The following PTPRN2 variants were observed in gnomAD, a reference collection of about 807,000 sequenced individuals.
PTPRN2 encodes protein tyrosine phosphatase receptor type N2, also known as receptor-type tyrosine-protein phosphatase N2.
Under a neutral mutation model 118.8 loss-of-function variants are expected in PTPRN2, and 74 were observed. The ratio of observed to expected loss-of-function variants is 0.62; its 90% CI spans 0.52 to 0.76. The LOEUF (loss-of-function observed/expected upper bound fraction) is 0.76, where lower values mean the gene tolerates loss of function less well. Ranked by LOEUF, PTPRN2 falls within the 30% of genes least tolerant of loss-of-function variation. The pLI is 0.00. For missense variants in PTPRN2, 1,481 were observed against 1,394.4 expected (o/e 1.06, Z -0.99); for synonymous variants, 641 against 608.0 (o/e 1.05, Z -0.80).
chr7:158,472,161 A>G (rs1819908424), intron 2 of PTPRN2, among the ~76,000 whole-genome samples: 1 of 152,226 alleles, frequency 6.6e-6, no homozygotes, highest in Non-Finnish European at 1.5e-5. Flanking sequence ...TTCACAAGAG[A>G]CAAATCAAAG....
intron 12 of PTPRN2, among the ~76,000 whole-genome samples, chr7:157,819,092 G>A (rs1450963534): frequency 6.6e-6 from 1 of 152,170 alleles, no homozygotes; most frequent in East Asian, 1.9e-4. Context: ...GACACCACTG[G>A]CCCCAGCCCC....
chr7:157,825,115 A>C lies in PTPRN2; in HGVS notation c.1788+73558T>G, dbSNP rs1292962486. Among the ~76,000 whole-genome samples the C allele has an allele frequency of 2.0e-5, 3 of 152,186 alleles. No homozygotes were observed. The East Asian group carries it at 5.8e-4, about 29-fold the overall frequency. ...CTTGGAGCCTCTGGTCTGTAGCTGG[A>C]CACGTGGATGAAGTTTCTCTTTCCC... On this transcript the variant is annotated intron_variant, in intron 12 of 22. Transcript: ENST00000389418.
At position 158,091,110 on chromosome 7, in the gene PTPRN2, C is replaced by T. The variant is rs112364739; in HGVS notation, c.1644-9733G>A. Among the ~76,000 whole-genome samples the T allele has an allele frequency of 9.9e-3, 1,507 of 152,240 alleles. 16 individuals are homozygous for T. Among genetic ancestry groups the T allele is most frequent in the Non-Finnish European group, 0.016 (1,092 of 67,998 alleles). ...GGGGGTTGTTATTTCTGTATAGTAACGACTATACAGTCGATACATAACACA... is the reference window on the plus strand; with the variant it reads ...GGGGGTTGTTATTTCTGTATAGTAATGACTATACAGTCGATACATAACACA... On this transcript the variant is annotated intron_variant, in intron 10 of 22. Transcript: ENST00000389418.
chr7:158,150,083 C>T lies in PTPRN2; in HGVS notation c.911-11568G>A, dbSNP rs1012822040. Among the ~76,000 whole-genome samples, 29 of 152,242 alleles carry T rather than the reference C, an allele frequency of 1.9e-4. 1 individual carries two copies. Among genetic ancestry groups the T allele is most frequent in the Admixed American group, 4.6e-4 (7 of 15,286 alleles). ...AAACAGAGTCATCTGAGGGAAGAGGCCGTGGGGCAGAAGGCTGCCGTGGGT... is the reference window on the plus strand; with the variant it reads ...AAACAGAGTCATCTGAGGGAAGAGGTCGTGGGGCAGAAGGCTGCCGTGGGT... On this transcript the variant is annotated intron_variant, in intron 6 of 22. Transcript: ENST00000389418.
chr7:158,194,926 T>C (rs1033524401), intron 4 of PTPRN2, among the ~76,000 whole-genome samples: 4 of 152,350 alleles, frequency 2.6e-5, no homozygotes, highest in Admixed American at 2.6e-4. Context: ...TTGACATGAA[T>C]TCTGTTGACA....
At chr7:158,328,183 T>A (rs978914863) in intron 2 of PTPRN2, among the ~76,000 whole-genome samples, 8 of 152,154 alleles carry the variant, frequency 5.3e-5, no homozygotes, top group African/African-American at 1.9e-4. Flanking sequence ...CATCCAGTCA[T>A]AACTGCTGCA....
intron 12 of PTPRN2, chr7:157,866,024 A>G (rs1053701436): frequency 2.0e-5 from 3 of 152,318 alleles, no homozygotes; most frequent in Admixed American, 6.5e-5. Context: ...AGCCACGTGT[A>G]CTCTCCTGCT....
At chr7:158,434,193 A>G (rs1381844181) in intron 2 of PTPRN2, among the ~76,000 whole-genome samples, 1 of 152,208 alleles carries the variant, frequency 6.6e-6, no homozygotes, top group Admixed American at 6.5e-5. Context: ...CAGTGTGTCC[A>G]TTAGATCAAG....
intron 6 of PTPRN2, among the ~76,000 whole-genome samples, chr7:158,146,283 T>A (rs969590250): frequency 6.6e-6 from 1 of 152,102 alleles, no homozygotes; most frequent in Non-Finnish European, 1.5e-5. Context: ...ACCAAAATGT[T>A]AACCTATATT....
intron 4 of PTPRN2, among the ~76,000 whole-genome samples, chr7:158,201,943 T>A (rs1490857025): frequency 6.6e-6 from 1 of 152,182 alleles, no homozygotes; most frequent in East Asian, 1.9e-4. Context: ...GAGGGCTGCA[T>A]CACGGGCTAT....
At chr7:157,546,373 C>A (rs1324661978) in intron 22 of PTPRN2, among the ~76,000 whole-genome samples, 1 of 152,198 alleles carries the variant, frequency 6.6e-6, no homozygotes, top group African/African-American at 2.4e-5. Context: ...ACCCATGAAT[C>A]CATCACCGAG....
chr7:158,311,840 C>G (rs1309100318), intron 3 of PTPRN2, among the ~76,000 whole-genome samples: 3 of 151,874 alleles, frequency 2.0e-5, no homozygotes, highest in Admixed American at 2.0e-4. Flanking sequence ...TGCACACACA[C>G]CTGCACACAC....
chr7:157,951,130 G>A (rs766564717), intron 11 of PTPRN2, among the ~76,000 whole-genome samples: 1 of 152,026 alleles, frequency 6.6e-6, no homozygotes, highest in Non-Finnish European at 1.5e-5. Context: ...CATGCCCCAG[G>A]TGCCGTCCCC....
At chr7:157,889,739 CA>C (rs1584958518) in intron 12 of PTPRN2, among the ~76,000 whole-genome samples, 2 of 152,240 alleles carry the variant, frequency 1.3e-5, no homozygotes, top group African/African-American at 4.8e-5. Flanking sequence ...CTTTGCCTCT[CA>C]CTAGAAGTGC....
intron 12 of PTPRN2, among the ~76,000 whole-genome samples, chr7:157,836,588 T>C (rs1412414729): frequency 7.0e-6 from 1 of 142,920 alleles, no homozygotes; most frequent in Non-Finnish European, 1.5e-5. Flanking sequence ...AAGGCACACA[T>C]ACAAACTGAA....
At chr7:158,283,397 CA>C (rs1307609475) in intron 3 of PTPRN2, among the ~76,000 whole-genome samples, 1 of 152,144 alleles carries the variant, frequency 6.6e-6, no homozygotes, top group African/African-American at 2.4e-5. Flanking sequence ...CTCTTGTAGC[CA>C]AGACGGGGCA....
At chr7:158,215,945 G>C (rs1827928601) in intron 3 of PTPRN2, among the ~76,000 whole-genome samples, 2 of 152,124 alleles carry the variant, frequency 1.3e-5, no homozygotes, top group East Asian at 3.8e-4. Flanking sequence ...GCAAGAACAT[G>C]GCAAGCAACA....
rs1563392227 is a variant in PTPRN2 at position 158,071,588 on chromosome 7, GGAGGTGCTCCTGGTGGAGGTGCTC to G, written c.1723+9686_1723+9709del. Among the ~76,000 whole-genome samples the G allele has an allele frequency of 6.5e-4, 74 of 113,234 alleles. 3 individuals are homozygous for G. Among genetic ancestry groups the G allele is most frequent in the East Asian group, 1.9e-3 (6 of 3,182 alleles). 74.3% of individuals were successfully genotyped at this position (113,234 alleles called of 152,430 possible). ...TGCTCCTGGTGGAGGTGCTCCTGGT[GGAGGTGCTCCTGGTGGAGGTGCTC>G]GTGGTGGAGGTGCTCGTGGTGGTGG... On this transcript the variant is annotated intron_variant, in intron 11 of 22. Coordinates refer to ENST00000389418, the MANE Select transcript of PTPRN2 (RefSeq NM_002847.5).
chr7:157,810,288 G>A (rs923197199), intron 12 of PTPRN2, among the ~76,000 whole-genome samples: 6 of 152,252 alleles, frequency 3.9e-5, no homozygotes, highest in African/African-American at 1.2e-4. Context: ...CCAAAGCAGC[G>A]ATCTAGACGT....
Sources: gnomAD v4.1 joint callset for allele counts (sites outside exome capture counted in the v4.1 genomes callset) on GRCh38, gnomAD v4.1.1 for gene constraint, MANE v1.5 for transcripts, NCBI Gene and HGNC (gene_info 2026-07-23, HGNC 2026-07-21) for gene names.